RNF141: variants seen among roughly 807,000 people sequenced by gnomAD.
RNF141 encodes ring finger protein 141.
In RNF141, 18 loss-of-function variants were observed where a neutral mutation model predicts 27.4. The ratio of observed to expected loss-of-function variants is 0.66; its 90% CI spans 0.45 to 0.97. The LOEUF (loss-of-function observed/expected upper bound fraction) is 0.97. RNF141 is among the 50% of genes least tolerant of loss of function. RNF141 has a pLI of 0.00. For synonymous variants in RNF141, 97 were observed against 96.6 expected (o/e 1.00, Z -0.02); for missense variants, 230 against 279.4 (o/e 0.82, Z 1.26).
chr11:10,534,815 A>T (rs1850020047), intron 1 of RNF141, among the ~76,000 whole-genome samples: 1 of 152,164 alleles, frequency 6.6e-6, no homozygotes, highest in South Asian at 2.1e-4. Context: ...CAATATATTT[A>T]CATCAGCTAA....
rs1376241546 is a variant in RNF141, at chr11:10,512,073, A to G, written c.*2843T>C. 6.6e-6 allele frequency: 1 copy of G among 152,666 alleles called. No individual in the cohort carries two copies. Among genetic ancestry groups the G allele is most frequent in the African/African-American group, 2.4e-5 (1 of 41,454 alleles). 9.5% of individuals were successfully genotyped at this position (152,666 alleles called of 1,614,324 possible). A position where few individuals can be genotyped will look rare whatever the true frequency, so the allele number is the denominator to read the frequency against. On this transcript the variant is annotated 3_prime_UTR_variant, in exon 6 of 6. Transcript: ENST00000265981. ...AAGGTTCTATACATAATCGGAGTAA[A>G]CCCTCTGTTACTGAGTTAGGATAGG...
intron 4 of RNF141, among the ~76,000 whole-genome samples, chr11:10,521,393 C>A (rs1849886640): frequency 6.6e-6 from 1 of 152,164 alleles, no homozygotes; most frequent in African/African-American, 2.4e-5. Context: ...ATTTTAATTT[C>A]TTTTAACCTT....
At chr11:10,528,717 A>G (rs1156733317) in intron 3 of RNF141, among the ~76,000 whole-genome samples, 1 of 152,192 alleles carries the variant, frequency 6.6e-6, no homozygotes, top group Non-Finnish European at 1.5e-5. Context: ...AACCTATCCC[A>G]GTCATTTAAA....
At chr11:10,525,066 T>C in intron 4 of RNF141, 126 bp downstream of exon 4, 1 of 624,516 alleles carries the variant, frequency 1.6e-6, no homozygotes, top group Non-Finnish European at 2.5e-6. Context: ...TGATCTCAGA[T>C]ACAATACCAA....
At chr11:10,536,586 A>T (rs1405353978) in intron 1 of RNF141, among the ~76,000 whole-genome samples, 2 of 152,232 alleles carry the variant, frequency 1.3e-5, no homozygotes, top group Admixed American at 1.3e-4. Context: ...TGTGCTCAAA[A>T]GCAGTTAAAA....
chr11:10,534,030 A>T lies in RNF141; in HGVS notation c.129T>A (p.Ala43=). Residue 43 remains alanine (A), a synonymous_variant, in exon 2 of 6, where the codon GCT becomes GCA. Transcript: ENST00000265981. ...GCAAGCCTTACACATCATTAAGCTC[A>T]GCTACTCTCCCAAGAAATTCTTCAT... ...LTYEEFLGRV[A]ELNDVTAKVA... is the part of the protein sequence containing the mutation. 1.9e-6 allele frequency: 3 copies of T among 1,613,434 alleles called. No homozygotes were observed. The highest frequency in any genetic ancestry group is 2.5e-6 in the Non-Finnish European group (3 of 1,179,592).
intron 5 of RNF141, 48 bp from the exon 6 acceptor site, chr11:10,515,114 A>C (rs1469370903): frequency 6.4e-7 from 1 of 1,562,012 alleles, no homozygotes; most frequent in Non-Finnish European, 8.7e-7. Context: ...CTTTTTTAAA[A>C]ACAGGATTTT....
At chr11:10,521,877 T>G (rs1336932693) in intron 4 of RNF141, among the ~76,000 whole-genome samples, 1 of 152,214 alleles carries the variant, frequency 6.6e-6, no homozygotes, top group East Asian at 1.9e-4. Flanking sequence ...GGAGATAATC[T>G]CATCCTTAAA....
At chr11:10,525,088 A>ATT in intron 4 of RNF141, 104 bp downstream of exon 4, 1 of 900,600 alleles carries the variant, frequency 1.1e-6, no homozygotes, top group African/African-American at 1.7e-5. Flanking sequence ...TGAGAAAAAA[A>ATT]AAAGATTTAA....
rs755704389 is a variant in RNF141, at chr11:10,515,035, G to A, written c.574C>T (p.Arg192Cys). The change falls in exon 6 of 6, where the codon CGC becomes TGC. Residue 192 changes from arginine to cysteine, a missense_variant. By Grantham distance (180) the Arg-to-Cys change is radical. Transcript: ENST00000265981. ...TCATTTGCTCCAGTCATCTGTAGGC[G>A]ACAAATAGGGCAATTCCTGTGTCGA... Reference protein sequence around the residue: ...SDRHRNCPICRLQMTGANESW... With the variant: ...SDRHRNCPICCLQMTGANESW... 8.1e-6 allele frequency: 13 copies of A among 1,613,756 alleles called. No homozygotes were observed. Among genetic ancestry groups the A allele is most frequent in the South Asian group, 5.5e-5 (5 of 90,974 alleles).
Position 10,525,339 on chromosome 11 carries a change from C to A in RNF141, c.287G>T (p.Arg96Leu). Residue 96 changes from arginine to leucine, a missense_variant, in exon 4 of 6, where the codon CGG becomes CTG. By Grantham distance (102) the Arg-to-Leu change is moderately radical (BLOSUM62 -2). Coordinates refer to ENST00000265981, the MANE Select transcript of RNF141 (RefSeq NM_016422.4). ...AATAAACTGGTATAAATTCATGATC[C>A]GTGATGCCTCCACAATGCCACTGCT... ...NKSSGIVEAS[R>L]IMNLYQFIQL... 1 of 1,601,128 alleles carries A rather than the reference C, an allele frequency of 6.2e-7. No homozygotes were observed. The highest frequency in any genetic ancestry group is 8.5e-7 in the Non-Finnish European group (1 of 1,173,948).
rs1372965442 is a variant in RNF141 at position 10,514,173 on chromosome 11, G to A, written c.*743C>T. On this transcript the variant is annotated 3_prime_UTR_variant, in exon 6 of 6. Coordinates refer to ENST00000265981, the MANE Select transcript of RNF141 (RefSeq NM_016422.4). ...AGCATTATCAAAGCCATTTAGAACAGTTACCCAGCTGTGGGAAAGCATTTC... is the reference window on the plus strand; with the variant it reads ...AGCATTATCAAAGCCATTTAGAACAATTACCCAGCTGTGGGAAAGCATTTC... The A allele has an allele frequency of 6.6e-6, 1 of 152,182 alleles. No homozygotes were observed. Among genetic ancestry groups the A allele is most frequent in the Non-Finnish European group, 1.5e-5 (1 of 68,036 alleles). 9.4% of individuals were successfully genotyped at this position (152,182 alleles called of 1,614,324 possible). A position where few individuals can be genotyped will look rare whatever the true frequency, so the allele number is the denominator to read the frequency against.
At chr11:10,521,527 C>T (rs1849887643) in intron 4 of RNF141, among the ~76,000 whole-genome samples, 1 of 152,156 alleles carries the variant, frequency 6.6e-6, no homozygotes, top group East Asian at 1.9e-4. Context: ...TAGGAGCTAT[C>T]ACTAATATGT....
chr11:10,537,827 C>T (rs752122241), intron 1 of RNF141, among the ~76,000 whole-genome samples: 5 of 152,240 alleles, frequency 3.3e-5, no homozygotes, highest in African/African-American at 4.8e-5. Flanking sequence ...TCTTTGAACA[C>T]ATTTCTCTCA....
chr11:10,519,510 G>A (rs577360178), intron 4 of RNF141, among the ~76,000 whole-genome samples: 2 of 152,204 alleles, frequency 1.3e-5, no homozygotes, highest in Admixed American at 6.5e-5. Context: ...ACAGAGATAC[G>A]GTCTGAGAAA....
At chr11:10,537,338 A>G (rs1306879146) in intron 1 of RNF141, among the ~76,000 whole-genome samples, 3 of 152,166 alleles carry the variant, frequency 2.0e-5, no homozygotes, top group African/African-American at 7.2e-5. Flanking sequence ...ATGAAACTGA[A>G]CCTTCCTCTA....
In RNF141 at chr11:10,512,088, G is replaced by C. The variant is rs962125900; in HGVS notation, c.*2828C>G. On this transcript the variant is annotated 3_prime_UTR_variant, in exon 6 of 6. Transcript: ENST00000265981. Reference sequence around the variant, plus strand: ...ATCGGAGTAAACCCTCTGTTACTGAGTTAGGATAGGGAAAACAAATTCCTT... The same window carrying C: ...ATCGGAGTAAACCCTCTGTTACTGACTTAGGATAGGGAAAACAAATTCCTT... The C allele has an allele frequency of 6.6e-6, 1 of 152,606 alleles. No individual in the cohort carries two copies. Among genetic ancestry groups the C allele is most frequent in the Non-Finnish European group, 1.5e-5 (1 of 68,020 alleles). The allele number at this position is 152,606 out of a possible 1,614,324, so 9.5% of individuals were successfully genotyped here.
At position 10,530,501 on chromosome 11, in the gene RNF141, G is replaced by A. The variant is rs117917097; in HGVS notation, c.252+142C>T. The A allele has an allele frequency of 4.1e-3, 1,801 of 443,068 alleles. 18 individuals carry two copies. The highest frequency in any genetic ancestry group is 0.036 in the East Asian group (1,049 of 28,924). 27.4% of individuals were successfully genotyped at this position (443,068 alleles called of 1,614,324 possible). ...TAAGATTCAAACAGCTAGTTAGAAG[G>A]CAATAACAGTAACAAAACTATGTTT... On this transcript the variant is annotated intron_variant, in intron 3 of 5. Coordinates refer to ENST00000265981, the MANE Select transcript of RNF141 (RefSeq NM_016422.4).
intron 1 of RNF141, among the ~76,000 whole-genome samples, chr11:10,539,483 T>C (rs112049768): frequency 6.6e-6 from 1 of 151,436 alleles, no homozygotes; most frequent in African/African-American, 2.4e-5. Flanking sequence ...CAGTAATAAA[T>C]ACCAAGTACT....
Sources: allele counts gnomAD v4.1 joint callset (sites outside exome capture counted in the v4.1 genomes callset), GRCh38; gene constraint gnomAD v4.1.1; transcripts MANE v1.5; gene names NCBI Gene and HGNC (gene_info 2026-07-23, HGNC 2026-07-21).